The following OIP5 variants were observed in gnomAD, a reference collection of about 807,000 sequenced individuals.
OIP5 encodes the protein protein Mis18-beta.
In OIP5, 24 loss-of-function variants were observed where a neutral mutation model predicts 20.3. The ratio of observed to expected loss-of-function variants is 1.18; its 90% CI spans 0.86 to 1.66. OIP5 has a LOEUF of 1.66. Among genes scored for constraint, OIP5 ranks in the 40% most tolerant of loss-of-function variants. The pLI is 0.00. For synonymous variants in OIP5, 143 were observed against 121.3 expected (o/e 1.18, Z -1.17); for missense variants, 339 against 289.5 (o/e 1.17, Z -1.24).
intron 2 of OIP5, among the ~76,000 whole-genome samples, chr15:41,324,247 G>A (rs561179792): frequency 1.3e-5 from 2 of 151,830 alleles, no homozygotes; most frequent in South Asian, 2.1e-4. Flanking sequence ...CACCCACCTC[G>A]GCCTCCCAAA....
At chr15:41,326,693 C>T (rs1198144997) in intron 2 of OIP5, among the ~76,000 whole-genome samples, 7 of 152,102 alleles carry the variant, frequency 4.6e-5, no homozygotes, top group South Asian at 2.1e-4. Flanking sequence ...TCCAAAGTGC[C>T]GGCATTACAG....
At chr15:41,320,351 C>T (rs919052075) in intron 2 of OIP5, among the ~76,000 whole-genome samples, 1 of 152,192 alleles carries the variant, frequency 6.6e-6, no homozygotes, top group Non-Finnish European at 1.5e-5. Flanking sequence ...TGTACTGCTG[C>T]CATCTCGGCT....
intron 2 of OIP5, among the ~76,000 whole-genome samples, chr15:41,326,072 G>C (rs1342152899): frequency 6.6e-6 from 1 of 152,208 alleles, no homozygotes; most frequent in Non-Finnish European, 1.5e-5. Context: ...TAAGGCAGAA[G>C]AATTGCTTGA....
chr15:41,315,045 G>A (rs2047780948), intron 3 of OIP5, among the ~76,000 whole-genome samples: 1 of 149,756 alleles, frequency 6.7e-6, no homozygotes, highest in African/African-American at 2.5e-5. Context: ...CCAAAAGGTT[G>A]AGGCTGCAGT....
At chr15:41,317,526 T>C (rs991718249) in intron 3 of OIP5, among the ~76,000 whole-genome samples, 2 of 151,978 alleles carry the variant, frequency 1.3e-5, no homozygotes, top group East Asian at 1.9e-4. Context: ...ATTACAGGCA[T>C]GCGCCACCAT....
chr15:41,327,348 AT>A (rs1264911548), intron 2 of OIP5, among the ~76,000 whole-genome samples: 1 of 151,538 alleles, frequency 6.6e-6, no homozygotes, highest in Non-Finnish European at 1.5e-5. Flanking sequence ...CGCCCAGCAA[AT>A]TTTTGTATTA....
intron 2 of OIP5, among the ~76,000 whole-genome samples, chr15:41,330,443 C>T (rs1359197530): frequency 1.5e-5 from 2 of 135,224 alleles, no homozygotes; most frequent in African/African-American, 5.6e-5. Context: ...CGGAGTCTGT[C>T]GCCCAGGCTG....
intron 2 of OIP5, among the ~76,000 whole-genome samples, chr15:41,326,730 G>T (rs1309142284): frequency 6.6e-6 from 1 of 152,062 alleles, no homozygotes; most frequent in Non-Finnish European, 1.5e-5. Flanking sequence ...CCGGCCCCAT[G>T]TTTTTAACAA....
chr15:41,321,220 C>T (rs1289508649), intron 2 of OIP5, among the ~76,000 whole-genome samples: 2 of 149,902 alleles, frequency 1.3e-5, no homozygotes, highest in Admixed American at 1.3e-4. Context: ...AGCCCCCCGC[C>T]CGGCCAGCCG....
intron 2 of OIP5, among the ~76,000 whole-genome samples, chr15:41,331,483 G>C (rs1451602667): frequency 6.6e-6 from 1 of 152,168 alleles, no homozygotes; most frequent in Non-Finnish European, 1.5e-5. Context: ...ACTCCGGAGG[G>C]TGAGGTTGGG....
intron 2 of OIP5, among the ~76,000 whole-genome samples, chr15:41,320,296 C>CCTCTCT (rs57594100): frequency 2.7e-5 from 4 of 150,898 alleles, no homozygotes; most frequent in African/African-American, 9.7e-5. Flanking sequence ...TCTCCCTCTC[C>CCTCTCT]CTCTCTTTCC....
intron 3 of OIP5, among the ~76,000 whole-genome samples, chr15:41,316,965 T>G (rs1163090858): frequency 6.6e-6 from 1 of 152,156 alleles, no homozygotes. Context: ...CTACATAAAC[T>G]AGGTTGTCAA....
chr15:41,316,219 G>T lies in OIP5; in HGVS notation c.513-2865C>A, dbSNP rs78976637. ...TTAACATTTTGGGAAGCCCAGGCAG[G>T]AGAATCACTTGAACCCAGGAGGTGC... On this transcript the variant is annotated intron_variant, in intron 3 of 4. Transcript: ENST00000220514. Among the ~76,000 whole-genome samples, 84 of 152,318 alleles carry T rather than the reference G, an allele frequency of 5.5e-4. No individual in the cohort carries two copies. The East Asian group carries it at 0.014, about 26-fold the overall frequency.
intron 2 of OIP5, among the ~76,000 whole-genome samples, chr15:41,324,770 G>T (rs1232209344): frequency 1.3e-5 from 2 of 152,276 alleles, no homozygotes; most frequent in South Asian, 2.1e-4. Flanking sequence ...GATTACAAGC[G>T]TGAGCCACCG....
chr15:41,324,925 T>C (rs927083699), intron 2 of OIP5, among the ~76,000 whole-genome samples: 3 of 152,132 alleles, frequency 2.0e-5, no homozygotes, highest in Non-Finnish European at 4.4e-5. Context: ...AAGGCCATTG[T>C]TGGGTTATTA....
intron 3 of OIP5, among the ~76,000 whole-genome samples, chr15:41,315,048 G>A (rs1469201455): frequency 6.7e-6 from 1 of 149,490 alleles, no homozygotes; most frequent in East Asian, 2.0e-4. Flanking sequence ...AAAGGTTGAG[G>A]CTGCAGTGAA....
chr15:41,327,251 G>A (rs943312597), intron 2 of OIP5, among the ~76,000 whole-genome samples: 4 of 150,718 alleles, frequency 2.7e-5, no homozygotes, highest in Non-Finnish European at 5.9e-5. Flanking sequence ...GTGTGATCTC[G>A]GCTCACTGCA....
intron 4 of OIP5, among the ~76,000 whole-genome samples, chr15:41,310,600 G>A (rs1025095260): frequency 1.3e-5 from 2 of 149,886 alleles, no homozygotes; most frequent in Non-Finnish European, 2.9e-5. Context: ...CTGCATTCCA[G>A]CCTGGGTGAC....
chr15:41,325,099 T>G (rs2047853519), intron 2 of OIP5, among the ~76,000 whole-genome samples: 1 of 152,032 alleles, frequency 6.6e-6, no homozygotes, highest in Non-Finnish European at 1.5e-5. Flanking sequence ...ACAGACATAA[T>G]GATGAAAAGG....
Sources: allele counts gnomAD v4.1 joint callset (sites outside exome capture counted in the v4.1 genomes callset), GRCh38; gene constraint gnomAD v4.1.1; transcripts MANE v1.5; gene names NCBI Gene and HGNC (gene_info 2026-07-23, HGNC 2026-07-21).